Variants in ZNF695 observed in about 807,000 individuals in gnomAD.
ZNF695 encodes zinc finger protein SBZF3.
A neutral mutation model predicts 11.2 loss-of-function variants in ZNF695; 11 were observed. The ratio of observed to expected loss-of-function variants is 0.98; its 90% CI spans 0.62 to 1.62. ZNF695 has a LOEUF of 1.62. Among genes scored for constraint, ZNF695 ranks in the 40% most tolerant of loss-of-function variants. The probability of loss-of-function intolerance (pLI) is 0.00; values close to 1 mark genes in which losing one functional copy is unlikely to be tolerated. For missense variants in ZNF695, 559 were observed against 590.5 expected (o/e 0.95, Z 0.55); for synonymous variants, 190 against 201.4 (o/e 0.94, Z 0.48).
chr1:246,948,954 T>C (rs1558300717), intron 5 of ZNF695, among the ~76,000 whole-genome samples: 1 of 152,198 alleles, frequency 6.6e-6, no homozygotes, highest in Non-Finnish European at 1.5e-5. Context: ...GTACAATACC[T>C]AGAATACTGC....
intron 1 of ZNF695, among the ~76,000 whole-genome samples, chr1:247,006,514 G>T (rs1008615643): frequency 6.6e-5 from 10 of 152,116 alleles, no homozygotes; most frequent in African/African-American, 2.4e-4. Flanking sequence ...GGAGGCTGAC[G>T]CAGGAGAATC....
chr1:246,959,257 T>G (rs1160629898), intron 5 of ZNF695, among the ~76,000 whole-genome samples: 1 of 105,160 alleles, frequency 9.5e-6, no homozygotes, highest in African/African-American at 3.9e-5. Flanking sequence ...CACTCCAGCC[T>G]GGATGACAGA....
rs772641254 is a variant in ZNF695, at chr1:246,987,915, A to C, written c.600T>G (p.Thr200=). 6.8e-6 allele frequency: 11 copies of C among 1,610,854 alleles called. No individual in the cohort carries two copies. The South Asian group carries it at 1.2e-4, about 18-fold the overall frequency. ...GNVSCMSLIM[T]QQQRIHIGEN... ...CTCCAATATGGATTCTCTGCTGTTG[A>C]GTCATTATTAAAGACATGCAAGAGA... is the stretch of plus-strand genomic sequence containing the variant. The change falls in exon 4 of 4, where the codon ACT becomes ACG. Residue 200 remains threonine, a synonymous_variant. Coordinates refer to ENST00000339986, the MANE Select transcript of ZNF695 (RefSeq NM_020394.5).
At chr1:246,979,000 ATG>A (rs745457248) in intron 4 of ZNF695, among the ~76,000 whole-genome samples, 1 of 152,202 alleles carries the variant, frequency 6.6e-6, no homozygotes, top group Non-Finnish European at 1.5e-5. Context: ...AAATGAGGTC[ATG>A]TGTGTTGGAC....
intron 3 of ZNF695, among the ~76,000 whole-genome samples, chr1:246,993,431 CA>C (rs528067701): frequency 3.3e-4 from 50 of 149,468 alleles, no homozygotes; most frequent in Non-Finnish European, 6.5e-4. Flanking sequence ...AACAAACAAA[CA>C]AAAAAAAACA....
chr1:246,988,063 G>C lies in ZNF695; in HGVS notation c.452C>G (p.Thr151Ser). 6.2e-7 allele frequency: 1 copy of C among 1,605,250 alleles called. No individual in the cohort carries two copies. The highest frequency in any genetic ancestry group is 8.5e-7 in the Non-Finnish European group (1 of 1,177,586). ...ATTGCATTGAAAGTTTTTGCTATGA[G>C]TAGTTGCTGAGCATAGGTCAAGTCC... ...YNGLDLCSAT[T>S]HSKNFQCNKC... Residue 151 changes from threonine (T) to serine (S), a missense_variant, in exon 4 of 4, where the codon ACT (threonine) becomes AGT (serine). By Grantham distance (58) the Thr-to-Ser change is moderately conservative. Transcript: ENST00000339986.
At chr1:246,976,259 C>A (rs1668555653) in intron 4 of ZNF695, among the ~76,000 whole-genome samples, 1 of 152,170 alleles carries the variant, frequency 6.6e-6, no homozygotes, top group Non-Finnish European at 1.5e-5. Flanking sequence ...GGACAGAACA[C>A]AAGGTTACAG....
At chr1:247,004,495 A>T (rs1572538219) in intron 1 of ZNF695, among the ~76,000 whole-genome samples, 1 of 152,224 alleles carries the variant, frequency 6.6e-6, no homozygotes, top group Admixed American at 6.6e-5. Flanking sequence ...CTGAAGGAGG[A>T]AAAACTGACA....
rs759566796 is a variant in ZNF695 at position 246,987,883 on chromosome 1, G to A, written c.632C>T (p.Pro211Leu). 2.7e-5 allele frequency: 43 copies of A among 1,609,582 alleles called. No homozygotes were observed. Among genetic ancestry groups the A allele is most frequent in the Middle Eastern group, 3.3e-4 (2 of 6,050 alleles). ...TTTGCCACATTTTTTACATTGGTAC[G>A]GGTTCTCTCCAATATGGATTCTCTG... ...QQQRIHIGEN[P>L]YQCKKCGKAF... Residue 211 changes from proline (P) to leucine (L), a missense_variant, in exon 4 of 4, where the codon CCG (proline) becomes CTG (leucine). Coordinates refer to ENST00000339986, the MANE Select transcript of ZNF695 (RefSeq NM_020394.5).
At chr1:246,994,518 G>A (rs1396085096) in intron 3 of ZNF695, among the ~76,000 whole-genome samples, 1 of 151,756 alleles carries the variant, frequency 6.6e-6, no homozygotes, top group Non-Finnish European at 1.5e-5. Context: ...TCCAGCCTGG[G>A]TGACAGATAG....
intron 5 of ZNF695, among the ~76,000 whole-genome samples, chr1:246,961,948 G>A (rs555964976): frequency 2.0e-5 from 3 of 152,218 alleles, no homozygotes; most frequent in Non-Finnish European, 4.4e-5. Flanking sequence ...ATGGCACTGT[G>A]CTTTGCAGAC....
At chr1:246,981,215 A>G (rs954910006), downstream of ZNF695, among the ~76,000 whole-genome samples, 1 of 152,362 alleles carries the variant, frequency 6.6e-6, no homozygotes, top group African/African-American at 2.4e-5. Flanking sequence ...CTATAATCAA[A>G]AAGACAGAGG....
At chr1:246,990,961 C>T (rs1036004198) in intron 3 of ZNF695, among the ~76,000 whole-genome samples, 2 of 151,840 alleles carry the variant, frequency 1.3e-5, no homozygotes, top group South Asian at 2.1e-4. Flanking sequence ...AAAAGCAGTA[C>T]AAACAGGGAA....
At chr1:247,003,948 C>T (rs1669461993) in intron 1 of ZNF695, among the ~76,000 whole-genome samples, 2 of 152,248 alleles carry the variant, frequency 1.3e-5, no homozygotes, top group African/African-American at 4.8e-5. Context: ...GCATGTGGCT[C>T]ATGCCTGTAA....
intron 3 of ZNF695, among the ~76,000 whole-genome samples, chr1:246,995,053 A>G (rs1669159944): frequency 6.6e-6 from 1 of 152,282 alleles, no homozygotes; most frequent in Admixed American, 6.5e-5. Context: ...GGAACGGGGG[A>G]CTTGAAAGCA....
intron 1 of ZNF695, among the ~76,000 whole-genome samples, chr1:247,003,979 A>G (rs1330110844): frequency 6.6e-6 from 1 of 152,180 alleles, no homozygotes; most frequent in African/African-American, 2.4e-5. Flanking sequence ...TTGGGAGGCC[A>G]AGGCGGGCGG....
At chr1:246,971,724 A>C (rs1432253896) in intron 4 of ZNF695, among the ~76,000 whole-genome samples, 11 of 152,190 alleles carry the variant, frequency 7.2e-5, no homozygotes, top group Admixed American at 7.2e-4. Context: ...CTAATGATTA[A>C]TGATATTTAT....
intron 3 of ZNF695, among the ~76,000 whole-genome samples, chr1:246,989,095 GAA>G (rs113654474): frequency 1.8e-5 from 2 of 113,604 alleles, no homozygotes; most frequent in Non-Finnish European, 3.7e-5. Context: ...CTCCGTCTCA[GAA>G]AAAAAAAAAA....
intron 2 of ZNF695, 79 bp downstream of exon 2, chr1:246,999,833 A>G (rs1164909945): frequency 4.9e-6 from 7 of 1,418,280 alleles, no homozygotes; most frequent in African/African-American, 2.9e-5. Flanking sequence ...TTTTCTTGAA[A>G]GCAGTGATGT....
Sources: allele counts gnomAD v4.1 joint callset (sites outside exome capture counted in the v4.1 genomes callset), GRCh38; gene constraint gnomAD v4.1.1; transcripts MANE v1.5; gene names NCBI Gene and HGNC (gene_info 2026-07-23, HGNC 2026-07-21).